The following LPP variants were observed in gnomAD, a reference collection of about 807,000 sequenced individuals.
The protein encoded by LPP is LIM domain containing preferred translocation partner in lipoma, also known as lipoma-preferred partner.
A neutral mutation model predicts 60.4 loss-of-function variants in LPP; 38 were observed. The ratio of observed to expected loss-of-function variants is 0.63; its 90% confidence interval spans 0.49 to 0.83. The LOEUF is 0.83. Among genes scored for constraint, LPP ranks in the 40% least tolerant of loss-of-function variants. The pLI, the probability that LPP is intolerant of heterozygous loss-of-function variation, is 0.00. For missense variants in LPP, 902 were observed against 783.6 expected, an observed-to-expected ratio of 1.15 and a Z score of -1.80; for synonymous variants, 328 against 290.8, an observed-to-expected ratio of 1.13 and a Z score of -1.30.
intron 5 of LPP, among the ~76,000 whole-genome samples, chr3:188,504,009 ATTTC>A (rs920154522): frequency 1.3e-5 from 2 of 152,014 alleles, no homozygotes; most frequent in African/African-American, 4.8e-5. Flanking sequence ...TTTGGTGATT[ATTTC>A]TTCAAGTATT....
In LPP at chr3:188,882,044, T is replaced by C. The variant is rs1301313692; in HGVS notation, c.*7565T>C. 9.5e-6 allele frequency: 2 copies of C among 210,304 alleles called. No homozygotes were observed. Among genetic ancestry groups the C allele is most frequent in the Non-Finnish European group, 1.9e-5 (2 of 103,654 alleles). 13.0% of individuals were successfully genotyped at this position (210,304 alleles called of 1,614,324 possible). On this transcript the variant is annotated 3_prime_UTR_variant, in exon 12 of 12. Transcript: ENST00000617246. ...CTTACTCAGCTCTTCAATTTATAAT[T>C]ACCAAATAATCACTGTTAGAGAATC... is the stretch of plus-strand genomic sequence containing the variant.
chr3:188,690,467 T>C (rs1861867301), intron 7 of LPP, among the ~76,000 whole-genome samples: 1 of 152,220 alleles, frequency 6.6e-6, no homozygotes, highest in South Asian at 2.1e-4. Flanking sequence ...ATTTGTGGTT[T>C]TACATCTAAT....
chr3:188,319,224 C>G (rs1243932851), intron 2 of LPP, among the ~76,000 whole-genome samples: 1 of 152,148 alleles, frequency 6.6e-6, no homozygotes, highest in Non-Finnish European at 1.5e-5. Context: ...AACAGACTTT[C>G]TTTCAGTAAA....
chr3:188,621,277 A>C (rs555094138), intron 7 of LPP, among the ~76,000 whole-genome samples: 1 of 152,230 alleles, frequency 6.6e-6, no homozygotes, highest in Non-Finnish European at 1.5e-5. Context: ...CCCAGGTGGT[A>C]AGCATAGTAT....
intron 2 of LPP, among the ~76,000 whole-genome samples, chr3:188,261,355 C>G (rs1733555801): frequency 6.8e-6 from 1 of 147,010 alleles, no homozygotes; most frequent in Admixed American, 6.8e-5. Flanking sequence ...TTTCTCTCTA[C>G]ACAGACACAC....
chr3:188,634,431 G>T (rs756422898), intron 7 of LPP, among the ~76,000 whole-genome samples: 2 of 152,148 alleles, frequency 1.3e-5, no homozygotes, highest in Admixed American at 1.3e-4. Context: ...GGTCCTACAG[G>T]CACAGAGCAG....
At chr3:188,222,224 A>C (rs1344927189) in intron 1 of LPP, among the ~76,000 whole-genome samples, 1 of 152,224 alleles carries the variant, frequency 6.6e-6, no homozygotes, top group African/African-American at 2.4e-5. Context: ...ATTTTTTTTC[A>C]AATGATAAAA....
At chr3:188,248,468 T>TTATATATATAGTTATA (rs528762603) in intron 2 of LPP, among the ~76,000 whole-genome samples, 12 of 84,150 alleles carry the variant, frequency 1.4e-4, no homozygotes, top group Non-Finnish European at 1.8e-4. Flanking sequence ...CAGTATAACT[T>TTATATATATAGTTATA]TATATATATA....
rs879096956 is a variant in LPP, at chr3:188,880,710, G to A, written c.*6231G>A. The A allele has an allele frequency of 2.2e-5, 4 of 184,852 alleles. No individual in the cohort carries two copies. The highest frequency in any genetic ancestry group is 4.6e-5 in the Non-Finnish European group (4 of 87,258). The allele number at this position is 184,852 out of a possible 1,614,324, so 11.5% of individuals were successfully genotyped here. A position where few individuals can be genotyped will look rare whatever the true frequency, so the allele number is the denominator to read the frequency against. On this transcript the variant is annotated 3_prime_UTR_variant, in exon 12 of 12. Coordinates refer to ENST00000617246, the MANE Select transcript of LPP (RefSeq NM_001375462.1). ...AAAACGTTATTAAACAGCCACAATCGCATTCAGTCAACTTGGCACTGAATG... is the reference window on the plus strand; with the variant it reads ...AAAACGTTATTAAACAGCCACAATCACATTCAGTCAACTTGGCACTGAATG...
intron 6 of LPP, among the ~76,000 whole-genome samples, chr3:188,599,792 T>TGTGTGTGTGTG (rs1479284185): frequency 9.1e-5 from 7 of 76,794 alleles, no homozygotes; most frequent in Non-Finnish European, 2.0e-4. Flanking sequence ...GTGTGTGTGG[T>TGTGTGTGTGTG]GTGTGCTTTA....
chr3:188,592,563 T>TGTTTTTTTTTTTTTTTTTTTGG lies in LPP; in HGVS notation c.430-16598_430-16597insGTTTTTTTTTTTTTTTTTTTGG. On this transcript the variant is annotated intron_variant, in intron 6 of 11. Coordinates refer to ENST00000617246, the MANE Select transcript of LPP (RefSeq NM_001375462.1). ...TGTTTTTAGTTTTGTTTTTGTTTTT[T>TGTTTTTTTTTTTTTTTTTTTGG]AAATGGAGTCTCACTCTTTCTCCCA... 7.8e-5 allele frequency among the ~76,000 whole-genome samples: 6 copies of TGTTTTTTTTTTTTTTTTTTTGG among 77,220 alleles called. 1 individual carries two copies. Among genetic ancestry groups the TGTTTTTTTTTTTTTTTTTTTGG allele is most frequent in the African/African-American group, 2.8e-4 (6 of 21,338 alleles). 50.7% of individuals were successfully genotyped at this position (77,220 alleles called of 152,430 possible).
chr3:188,586,990 A>G (rs1258454372), intron 6 of LPP, among the ~76,000 whole-genome samples: 1 of 151,898 alleles, frequency 6.6e-6, no homozygotes, highest in Non-Finnish European at 1.5e-5. Context: ...CTGCCTCCCA[A>G]AGTGTTGGGA....
chr3:188,273,228 C>G (rs1738421852), intron 2 of LPP, among the ~76,000 whole-genome samples: 1 of 152,172 alleles, frequency 6.6e-6, no homozygotes, highest in African/African-American at 2.4e-5. Context: ...GTGAATCAGT[C>G]TTGGTAATTG....
chr3:188,769,364 C>T (rs557218964), intron 9 of LPP, among the ~76,000 whole-genome samples: 14 of 152,294 alleles, frequency 9.2e-5, no homozygotes, highest in African/African-American at 2.9e-4. Context: ...CCAAATATCC[C>T]CCAGCCCTCT....
chr3:188,543,198 T>A (rs535968675), intron 6 of LPP, among the ~76,000 whole-genome samples: 1 of 152,122 alleles, frequency 6.6e-6, no homozygotes, highest in African/African-American at 2.4e-5. Context: ...GGGATAGAGA[T>A]GTTGGTGGAT....
At chr3:188,682,450 C>T (rs917558960) in intron 7 of LPP, among the ~76,000 whole-genome samples, 3 of 152,170 alleles carry the variant, frequency 2.0e-5, no homozygotes, top group Non-Finnish European at 2.9e-5. Context: ...AGTCTGAATT[C>T]GTTTTGTAGG....
At position 188,265,901 on chromosome 3, in the gene LPP, G is replaced by GTGTGTGTA. The variant is rs1247188423; in HGVS notation, c.-67+40377_-67+40378insGTGTATGT. ...TGTGTGTGTGTGTGTGTGTGTGTGT[G>GTGTGTGTA]TGTATGTGTTTTGCTTTTACTTTAT... On this transcript the variant is annotated intron_variant, in intron 2 of 11. Coordinates refer to ENST00000617246, the MANE Select transcript of LPP (RefSeq NM_001375462.1). Among the ~76,000 whole-genome samples, 6 of 151,166 alleles carry GTGTGTGTA rather than the reference G, an allele frequency of 4.0e-5. No homozygotes were observed. In the South Asian group the frequency reaches 1.2e-3, roughly 31 times the overall value.
At chr3:188,202,171 T>C (rs183078036) in intron 1 of LPP, among the ~76,000 whole-genome samples, 1 of 152,118 alleles carries the variant, frequency 6.6e-6, no homozygotes, top group Non-Finnish European at 1.5e-5. Flanking sequence ...AGCCTCGTCT[T>C]GGCACCATGC....
intron 2 of LPP, among the ~76,000 whole-genome samples, chr3:188,304,843 A>G (rs538648388): frequency 6.6e-6 from 1 of 152,328 alleles, no homozygotes; most frequent in Admixed American, 6.5e-5. Context: ...TGAATTCCCT[A>G]TTATGGCTGA....
Sources: allele counts gnomAD v4.1 joint callset (sites outside exome capture counted in the v4.1 genomes callset), GRCh38; gene constraint gnomAD v4.1.1; transcripts MANE v1.5; gene names NCBI Gene and HGNC (gene_info 2026-07-23, HGNC 2026-07-21).